KIZ: variants seen among roughly 807,000 people sequenced by gnomAD.
The protein encoded by KIZ is kizuna centrosomal protein, also known as centrosomal protein kizuna.
KIZ carries 68 observed loss-of-function variants against 79.6 expected under a neutral mutation model. The observed-to-expected ratio is 0.85, with a 90% CI of 0.70 to 1.05. The LOEUF (loss-of-function observed/expected upper bound fraction) is 1.05. Among genes scored for constraint, KIZ ranks in the 50% least tolerant of loss-of-function variants. The pLI is 0.00. For synonymous variants in KIZ, 280 were observed against 281.8 expected, an observed-to-expected ratio of 0.99 and a Z score of 0.06; for missense variants, 797 against 800.4, an observed-to-expected ratio of 1.00 and a Z score of 0.05.
chr20:21,180,254 A>C (rs1185866825), intron 6 of KIZ, among the ~76,000 whole-genome samples: 1 of 142,072 alleles, frequency 7.0e-6, no homozygotes, highest in African/African-American at 2.7e-5. Context: ...TTTTTTTTTT[A>C]ATAAGGAAAT....
intron 6 of KIZ, among the ~76,000 whole-genome samples, chr20:21,169,492 T>G (rs1323711871): frequency 2.0e-5 from 3 of 152,206 alleles, no homozygotes; most frequent in Admixed American, 6.5e-5. Context: ...GAGTGTAAAC[T>G]AGTTCAACCA....
At chr20:21,192,334 G>A (rs1485108617) in intron 6 of KIZ, among the ~76,000 whole-genome samples, 2 of 112,722 alleles carry the variant, frequency 1.8e-5, no homozygotes, top group African/African-American at 3.4e-5. Flanking sequence ...TTGATTATTA[G>A]CGACTGGGTT....
chr20:21,134,908 C>G (rs1023535895), intron 2 of KIZ, among the ~76,000 whole-genome samples: 9 of 152,160 alleles, frequency 5.9e-5, no homozygotes, highest in Non-Finnish European at 1.5e-5. Context: ...CTCAGGTGAT[C>G]CACCCACCTC....
intron 9 of KIZ, among the ~76,000 whole-genome samples, chr20:21,224,313 A>T (rs1014620673): frequency 6.6e-6 from 1 of 152,140 alleles, no homozygotes; most frequent in Admixed American, 6.6e-5. Context: ...TAGGCAAATG[A>T]TTTCTGGATT....
At chr20:21,206,520 C>T (rs1487348037) in intron 7 of KIZ, among the ~76,000 whole-genome samples, 1 of 152,124 alleles carries the variant, frequency 6.6e-6, no homozygotes, top group Non-Finnish European at 1.5e-5. Flanking sequence ...CCAAAGAGCA[C>T]ACTGGGAAAC....
At chr20:21,197,987 G>C (rs1267877003) in intron 6 of KIZ, 1 of 152,178 alleles carries the variant, frequency 6.6e-6, no homozygotes, top group Non-Finnish European at 1.5e-5. Flanking sequence ...TGTCGTGGTG[G>C]GATGGCCATT....
intron 1 of KIZ, 86 bp from the exon 2 acceptor site, chr20:21,132,011 A>C (rs2031878698): frequency 1.5e-6 from 1 of 672,344 alleles, no homozygotes. Flanking sequence ...CTTGCAACAA[A>C]GCCATTATTT....
At chr20:21,155,259 A>G (rs1477029607) in intron 4 of KIZ, among the ~76,000 whole-genome samples, 1 of 152,202 alleles carries the variant, frequency 6.6e-6, no homozygotes, top group African/African-American at 2.4e-5. Context: ...CAAAAAGTGG[A>G]CACAATTTAC....
intron 6 of KIZ, among the ~76,000 whole-genome samples, chr20:21,168,819 A>G (rs1044924512): frequency 9.8e-5 from 15 of 152,328 alleles, no homozygotes; most frequent in Non-Finnish European, 1.9e-4. Context: ...CCTGACAAAA[A>G]CAAGCAATGG....
At chr20:21,202,314 C>G (rs918555980) in intron 6 of KIZ, 3 of 152,162 alleles carry the variant, frequency 2.0e-5, no homozygotes, top group African/African-American at 4.8e-5. Flanking sequence ...AGAAATGTAC[C>G]TGCTGAATGG....
chr20:21,162,596 A>C (rs1169800415), intron 5 of KIZ, 89 bp downstream of exon 5: 1 of 1,009,648 alleles, frequency 9.9e-7, no homozygotes, highest in Non-Finnish European at 1.4e-6. Flanking sequence ...TCTCTCTTTC[A>C]TAAAATAGTA....
intron 4 of KIZ, chr20:21,151,919 A>ATTATT (rs2033140760): frequency 6.6e-6 from 1 of 152,242 alleles, no homozygotes; most frequent in Non-Finnish European, 1.5e-5. Flanking sequence ...AGCAGCCTGA[A>ATTATT]TGAGCAGCTG....
At chr20:21,131,977 C>T in intron 1 of KIZ, 120 bp from the exon 2 acceptor site, 1 of 593,544 alleles carries the variant, frequency 1.7e-6, no homozygotes, top group Non-Finnish European at 3.0e-6. Flanking sequence ...GGTATTTGGG[C>T]TTTTTTTGAC....
Position 21,162,687 on chromosome 20 carries a change from A to AT in KIZ, c.1043-156dup, listed in dbSNP as rs577286478. Reference sequence around the variant, plus strand: ...TTTGCTGATTTTTAAACCCACTGTGATTTTTTTAAACATTTGAAAACGTGT... The same window carrying AT: ...TTTGCTGATTTTTAAACCCACTGTGATTTTTTTTAAACATTTGAAAACGTGT... On this transcript the variant is annotated intron_variant, in intron 5 of 12. Transcript: ENST00000619189. 1.7e-4 allele frequency: 137 copies of AT among 799,824 alleles called. 2 individuals carry two copies. The African/African-American group carries it at 2.1e-3, about 12-fold the overall frequency. 49.5% of individuals were successfully genotyped at this position (799,824 alleles called of 1,614,324 possible). A position where few individuals can be genotyped will look rare whatever the true frequency, so the allele number is the denominator to read the frequency against.
At chr20:21,134,175 C>A (rs1331989965) in intron 2 of KIZ, among the ~76,000 whole-genome samples, 3 of 152,170 alleles carry the variant, frequency 2.0e-5, no homozygotes, top group Non-Finnish European at 4.4e-5. Flanking sequence ...AAGGGTGTCT[C>A]ATCCAGCAGC....
chr20:21,166,569 C>G, intron 6 of KIZ: 1 of 1,408,042 alleles, frequency 7.1e-7, no homozygotes, highest in Non-Finnish European at 9.9e-7. Context: ...GTCTTGAGAG[C>G]ATCTGCCAGG....
intron 6 of KIZ, among the ~76,000 whole-genome samples, chr20:21,202,930 C>G (rs1312343936): frequency 2.6e-5 from 4 of 152,186 alleles, no homozygotes; most frequent in African/African-American, 9.7e-5. Flanking sequence ...TGTTTTATCT[C>G]TCTCCCTAAC....
rs928186623 is a variant in KIZ, at chr20:21,206,220, G to A, written c.1446+636G>A. Among the ~76,000 whole-genome samples, 39 of 152,060 alleles carry A rather than the reference G, an allele frequency of 2.6e-4. 1 individual carries two copies. Among genetic ancestry groups the A allele is most frequent in the African/African-American group, 2.2e-4 (9 of 41,382 alleles). ...CATGTCAATTCAGCAAATGCCTATCGGTCCATTACTGTACACAGATATCAG... is the reference window on the plus strand; with the variant it reads ...CATGTCAATTCAGCAAATGCCTATCAGTCCATTACTGTACACAGATATCAG... On this transcript the variant is annotated intron_variant, in intron 7 of 12. Coordinates refer to ENST00000619189, the MANE Select transcript of KIZ (RefSeq NM_018474.6).
At chr20:21,158,748 CT>C (rs1235316096) in intron 4 of KIZ, 1 of 152,064 alleles carries the variant, frequency 6.6e-6, no homozygotes, top group African/African-American at 2.4e-5. Context: ...CCTCCTGGAT[CT>C]TCCTGCTTCT....
Sources: allele counts gnomAD v4.1 joint callset (sites outside exome capture counted in the v4.1 genomes callset), GRCh38; gene constraint gnomAD v4.1.1; transcripts MANE v1.5; gene names NCBI Gene and HGNC (gene_info 2026-07-23, HGNC 2026-07-21).